The following ARSJ variants were observed in gnomAD, a reference collection of about 807,000 sequenced individuals.
The protein encoded by ARSJ is arylsulfatase J.
ARSJ carries 26 observed loss-of-function variants against 35.9 expected under a neutral mutation model. That is an observed-to-expected ratio of 0.72 (90% confidence interval 0.53 to 1.00). The LOEUF is 1.00. Among genes scored for constraint, ARSJ ranks in the 50% least tolerant of loss-of-function variants. The pLI is 0.00. For missense variants in ARSJ, 667 were observed against 723.6 expected (o/e 0.92, Z 0.90); for synonymous variants, 294 against 267.6 (o/e 1.10, Z -0.96).
chr4:113,924,653 T>A (rs1260714794), intron 1 of ARSJ, among the ~76,000 whole-genome samples: 2 of 152,134 alleles, frequency 1.3e-5, no homozygotes, highest in African/African-American at 4.8e-5. Flanking sequence ...ACTCAAATAC[T>A]ATTACATAAA....
In ARSJ at chr4:113,902,187, T is replaced by C. The variant is rs753501045; in HGVS notation, c.*87A>G. 1 of 1,599,238 alleles carries C rather than the reference T, an allele frequency of 6.3e-7. No homozygotes were observed. Among genetic ancestry groups the C allele is most frequent in the Non-Finnish European group, 8.5e-7 (1 of 1,179,894 alleles). Reference sequence around the variant, plus strand: ...AAGCCTGACGCTTAGGCCAGCGATATTATCGAGCCAAATTTGCTGGTTTAC... The same window carrying C: ...AAGCCTGACGCTTAGGCCAGCGATACTATCGAGCCAAATTTGCTGGTTTAC... On this transcript the variant is annotated 3_prime_UTR_variant, in exon 2 of 2. Coordinates refer to ENST00000315366, the MANE Select transcript of ARSJ (RefSeq NM_024590.4).
chr4:113,919,536 G>C (rs377512546), intron 1 of ARSJ, among the ~76,000 whole-genome samples: 13 of 152,136 alleles, frequency 8.5e-5, no homozygotes, highest in Non-Finnish European at 1.3e-4. Flanking sequence ...AAGGAGCCCC[G>C]AATGTAGTCA....
chr4:113,923,983 A>T (rs868116279), intron 1 of ARSJ, among the ~76,000 whole-genome samples: 1 of 147,090 alleles, frequency 6.8e-6, no homozygotes, highest in Non-Finnish European at 1.5e-5. Context: ...TCTCATAGAT[A>T]GTATAATAAT....
intron 1 of ARSJ, among the ~76,000 whole-genome samples, chr4:113,928,024 G>C (rs1167113338): frequency 1.3e-5 from 2 of 152,078 alleles, no homozygotes; most frequent in African/African-American, 4.8e-5. Flanking sequence ...GCATTCTGGC[G>C]CTGGGGAAAT....
chr4:113,915,761 C>T (rs1723254556), intron 1 of ARSJ, among the ~76,000 whole-genome samples: 1 of 152,214 alleles, frequency 6.6e-6, no homozygotes, highest in Non-Finnish European at 1.5e-5. Context: ...TACCCTTCAT[C>T]TGCTGCAGGT....
intron 1 of ARSJ, among the ~76,000 whole-genome samples, chr4:113,976,448 G>A (rs1482675004): frequency 6.6e-6 from 1 of 152,182 alleles, no homozygotes; most frequent in African/African-American, 2.4e-5. Flanking sequence ...TTCTAAGCAT[G>A]TGGGAGTAAT....
chr4:113,966,833 T>C (rs1444983472), intron 1 of ARSJ, among the ~76,000 whole-genome samples: 2 of 152,174 alleles, frequency 1.3e-5, no homozygotes, highest in South Asian at 2.1e-4. Context: ...TCAAGCCCAT[T>C]TGGGCTTTGT....
chr4:113,908,009 C>T (rs1297232767), intron 1 of ARSJ, among the ~76,000 whole-genome samples: 5 of 152,092 alleles, frequency 3.3e-5, no homozygotes, highest in East Asian at 1.9e-4. Flanking sequence ...ACCTGGGTGA[C>T]GATATATCTG....
At chr4:113,938,796 T>C (rs1215795610) in intron 1 of ARSJ, among the ~76,000 whole-genome samples, 3 of 152,018 alleles carry the variant, frequency 2.0e-5, no homozygotes, top group East Asian at 1.9e-4. Flanking sequence ...GACATTTATG[T>C]GGCCAAGAAC....
chr4:113,912,112 C>G (rs1247656588), intron 1 of ARSJ, among the ~76,000 whole-genome samples: 1 of 152,158 alleles, frequency 6.6e-6, no homozygotes, highest in Admixed American at 6.6e-5. Context: ...ATTTGAGACT[C>G]ATTAGCTTTT....
intron 1 of ARSJ, among the ~76,000 whole-genome samples, chr4:113,919,175 G>A (rs993094813): frequency 6.6e-6 from 1 of 152,086 alleles, no homozygotes; most frequent in Admixed American, 6.6e-5. Flanking sequence ...ACTAGAAGAA[G>A]AGATTCAGCT....
rs1345495184 is a variant in ARSJ, at chr4:113,901,364, T to C, written c.*910A>G. The C allele has an allele frequency of 6.6e-6, 1 of 152,232 alleles. No homozygotes were observed. The highest frequency in any genetic ancestry group is 2.4e-5 in the African/African-American group (1 of 41,472). 9.4% of individuals were successfully genotyped at this position (152,232 alleles called of 1,614,324 possible). A position where few individuals can be genotyped will look rare whatever the true frequency, so the allele number is the denominator to read the frequency against. ...GACGATTATAAAGTTTTCTGAATGATGTTTTTTATAGTCTGAATTCACACA... is the reference window on the plus strand; with the variant it reads ...GACGATTATAAAGTTTTCTGAATGACGTTTTTTATAGTCTGAATTCACACA... On this transcript the variant is annotated 3_prime_UTR_variant, in exon 2 of 2. Transcript: ENST00000315366.
chr4:113,922,089 A>G lies in ARSJ; in HGVS notation c.399-18414T>C, dbSNP rs1562344118. On this transcript the variant is annotated intron_variant, in intron 1 of 1. Coordinates refer to ENST00000315366, the MANE Select transcript of ARSJ (RefSeq NM_024590.4). The stretch of plus-strand genomic sequence containing the variant: ...TCATAGTTTGTGAGGAAGGTGAAGT[A>G]ATGTCTACTACAAGAAAGAACATTT... Among the ~76,000 whole-genome samples, 5 of 152,282 alleles carry G rather than the reference A, an allele frequency of 3.3e-5. No individual in the cohort carries two copies. In the South Asian group the frequency reaches 1.0e-3, roughly 32 times the overall value.
intron 1 of ARSJ, among the ~76,000 whole-genome samples, chr4:113,960,229 T>G (rs1296736345): frequency 5.9e-5 from 9 of 152,112 alleles, no homozygotes; most frequent in African/African-American, 2.2e-4. Context: ...ATAAATTTTA[T>G]GTGTGGTTCC....
chr4:113,945,894 C>T lies in ARSJ; in HGVS notation c.398+32543G>A, dbSNP rs114464403. Among the ~76,000 whole-genome samples, 368 of 152,156 alleles carry T rather than the reference C, an allele frequency of 2.4e-3. 1 individual carries two copies. Among genetic ancestry groups the T allele is most frequent in the African/African-American group, 8.5e-3 (354 of 41,532 alleles). ...TTATTTTCTGATTTGAACCAACAATCTTGGTTGTTGACAGGATTCCTGAGG... is the reference window on the plus strand; with the variant it reads ...TTATTTTCTGATTTGAACCAACAATTTTGGTTGTTGACAGGATTCCTGAGG... On this transcript the variant is annotated intron_variant, in intron 1 of 1. Transcript: ENST00000315366.
intron 1 of ARSJ, among the ~76,000 whole-genome samples, chr4:113,961,394 C>T (rs1594499367): frequency 6.6e-6 from 1 of 152,046 alleles, no homozygotes; most frequent in Non-Finnish European, 1.5e-5. Context: ...AATGTTTGGG[C>T]TAACATGTTA....
At chr4:113,966,128 T>C (rs1319367333) in intron 1 of ARSJ, among the ~76,000 whole-genome samples, 6 of 151,968 alleles carry the variant, frequency 3.9e-5, no homozygotes, top group African/African-American at 7.2e-5. Flanking sequence ...ATAGTAGAGA[T>C]GAATTAATAT....
intron 1 of ARSJ, among the ~76,000 whole-genome samples, chr4:113,916,242 T>C (rs1439804261): frequency 6.6e-6 from 1 of 152,330 alleles, no homozygotes; most frequent in East Asian, 1.9e-4. Flanking sequence ...CAATCCGGCC[T>C]ACCTTTTCTA....
intron 1 of ARSJ, among the ~76,000 whole-genome samples, chr4:113,911,641 C>G (rs1382534868): frequency 6.6e-6 from 1 of 151,748 alleles, no homozygotes; most frequent in Non-Finnish European, 1.5e-5. Flanking sequence ...GTCTGGGTGG[C>G]CGGGTGTAAG....
Sources: gnomAD v4.1 joint callset for allele counts (sites outside exome capture counted in the v4.1 genomes callset) on GRCh38, gnomAD v4.1.1 for gene constraint, MANE v1.5 for transcripts, NCBI Gene and HGNC (gene_info 2026-07-23, HGNC 2026-07-21) for gene names.